Variants in ASMT observed in about 807,000 individuals in gnomAD.
ASMT encodes acetylserotonin N-methyltransferase.
ASMT carries 53 observed loss-of-function variants against 41.3 expected under a neutral mutation model. That is an observed-to-expected ratio of 1.28 (90% CI 1.03 to 1.61). The LOEUF (loss-of-function observed/expected upper bound fraction) is 1.61, where lower values mean the gene tolerates loss of function less well. Ranked by LOEUF, ASMT falls within the 40% of genes most tolerant of loss-of-function variation. ASMT has a pLI of 0.00. For synonymous variants in ASMT, 231 were observed against 184.8 expected (o/e 1.25, Z -2.03); for missense variants, 531 against 441.3 (o/e 1.20, Z -1.82).
intron 4 of ASMT, 93 bp downstream of exon 4, chrX:1,627,864 C>A (rs1375155779): frequency 1.5e-5 from 18 of 1,190,056 alleles, no homozygotes; most frequent in Non-Finnish European, 2.3e-5. Flanking sequence ...TCAAATGGCA[C>A]AACCCAGGAG....
Position 1,615,378 on chromosome X carries a change from T to G in ASMT, c.69+110T>G, listed in dbSNP as rs755751416. 3.1e-4 allele frequency: 341 copies of G among 1,115,996 alleles called. 5 individuals are homozygous for G. The South Asian group carries it at 3.6e-3, about 12-fold the overall frequency. The allele number at this position is 1,115,996 out of a possible 1,614,324, so 69.1% of individuals were successfully genotyped here. A position where few individuals can be genotyped will look rare whatever the true frequency, so the allele number is the denominator to read the frequency against. ...ATGAGTCTCCATCATTTTAGGAGGT[T>G]TATTTTCCACCGTGAAAGACGTACA... On this transcript the variant is annotated intron_variant, in intron 1 of 8. Coordinates refer to ENST00000381241, the MANE Select transcript of ASMT (RefSeq NM_001171038.2).
intron 5 of ASMT, among the ~76,000 whole-genome samples, chrX:1,630,934 G>A (rs1286101585): frequency 1.5e-5 from 2 of 137,886 alleles, no homozygotes; most frequent in African/African-American, 5.5e-5. Context: ...TTTTTGAGAT[G>A]GAGTCTTGCT....
intron 8 of ASMT, among the ~76,000 whole-genome samples, chrX:1,639,354 A>ATC (rs1935071410): frequency 9.2e-4 from 1 of 1,092 alleles, no homozygotes; most frequent in Non-Finnish European, 1.5e-3. Context: ...TCCTGATGGC[A>ATC]CATGAGGATG....
At chrX:1,633,337 C>G (rs1934847766) in intron 7 of ASMT, 47 bp downstream of exon 7, 2 of 1,611,716 alleles carry the variant, frequency 1.2e-6, no homozygotes, top group Admixed American at 1.7e-5. Flanking sequence ...CACGGCTTCT[C>G]CAGGGGGACT....
At chrX:1,630,700 A>G (rs1934740971) in intron 5 of ASMT, among the ~76,000 whole-genome samples, 1 of 151,420 alleles carries the variant, frequency 6.6e-6, no homozygotes, top group South Asian at 2.1e-4. Context: ...GGGATTACAG[A>G]TGACTGCCGC....
At position 1,642,744 on chromosome X, in the gene ASMT, T is replaced by C. The variant is rs1270252546; in HGVS notation, c.911-59T>C. The C allele has an allele frequency of 3.9e-6, 6 of 1,534,258 alleles. No homozygotes were observed. In the African/African-American group the frequency reaches 6.8e-5, roughly 17 times the overall value. Reference sequence around the variant, plus strand: ...GGCTGTCCTTATGGTTCACTGGGACTTTGGCACAGTCTGTCTGTGTGTTTG... The same window carrying C: ...GGCTGTCCTTATGGTTCACTGGGACCTTGGCACAGTCTGTCTGTGTGTTTG... On this transcript the variant is annotated intron_variant, in intron 8 of 8. Transcript: ENST00000381241.
intron 7 of ASMT, among the ~76,000 whole-genome samples, chrX:1,633,906 G>A (rs1240973598): frequency 5.9e-5 from 9 of 151,920 alleles, no homozygotes; most frequent in African/African-American, 2.2e-4. Flanking sequence ...CCAAAGTGCT[G>A]GGATTACAGG....
intron 3 of ASMT, among the ~76,000 whole-genome samples, chrX:1,626,826 G>C (rs1458982081): frequency 8.2e-6 from 1 of 122,400 alleles, no homozygotes; most frequent in Non-Finnish European, 1.7e-5. Context: ...TCACGAGTTC[G>C]AGACCAGCCT....
intron 1 of ASMT, among the ~76,000 whole-genome samples, chrX:1,616,789 A>G (rs1319068251): frequency 2.0e-5 from 3 of 151,136 alleles, no homozygotes; most frequent in East Asian, 3.9e-4. Flanking sequence ...GCTCACTGCA[A>G]GCTCCACCTC....
intron 7 of ASMT, 91 bp downstream of exon 7, chrX:1,633,381 G>A: frequency 6.5e-7 from 1 of 1,544,830 alleles, no homozygotes; most frequent in Admixed American, 1.7e-5. Flanking sequence ...GATGTGATGT[G>A]GTTTTCCTCT....
At chrX:1,627,850 T>G in intron 4 of ASMT, 79 bp downstream of exon 4, 1 of 1,364,674 alleles carries the variant, frequency 7.3e-7, no homozygotes. Flanking sequence ...CCCAATCCAT[T>G]TACTCAAATG....
At chrX:1,628,047 G>A (rs1185260312) in intron 4 of ASMT, 341 of 532,956 alleles carry the variant, frequency 6.4e-4, no homozygotes, top group Non-Finnish European at 1.8e-4. Context: ...CGCGCCGGGC[G>A]CGGTGGCTCA....
intron 1 of ASMT, among the ~76,000 whole-genome samples, chrX:1,616,922 A>C (rs752284041): frequency 1.3e-4 from 19 of 151,702 alleles, no homozygotes; most frequent in South Asian, 8.4e-4. Flanking sequence ...GTTAGCCAGG[A>C]TGGTCTCGAT....
chrX:1,630,195 A>G (rs73174042), intron 5 of ASMT, among the ~76,000 whole-genome samples: 79,710 of 151,100 alleles, frequency 0.53, 20,619 homozygotes, highest in Non-Finnish European at 0.58. Context: ...GTGCAGTGGC[A>G]TGATCTCGGC....
chrX:1,625,488 C>T (rs1934498319), intron 3 of ASMT, among the ~76,000 whole-genome samples: 1 of 125,670 alleles, frequency 8.0e-6, no homozygotes, highest in Non-Finnish European at 1.6e-5. Context: ...AGCAAAAACT[C>T]TGTCTCAGAA....
chrX:1,629,698 T>A, intron 4 of ASMT, 123 bp from the exon 5 acceptor site: 1 of 912,712 alleles, frequency 1.1e-6, no homozygotes. Context: ...ATTTCACAAA[T>A]GCAAGCCTTC....
chrX:1,620,367 T>C (rs181520913), intron 1 of ASMT, among the ~76,000 whole-genome samples: 7 of 151,316 alleles, frequency 4.6e-5, no homozygotes, highest in Non-Finnish European at 7.4e-5. Flanking sequence ...GGGGTTTCAC[T>C]ATGTTGGCCA....
In ASMT at chrX:1,636,027, C is replaced by T. The variant is rs774874163; in HGVS notation, c.788-411C>T. On this transcript the variant is annotated intron_variant, in intron 7 of 8. Coordinates refer to ENST00000381241, the MANE Select transcript of ASMT (RefSeq NM_001171038.2). The stretch of plus-strand genomic sequence containing the variant: ...CTGGAGTGCAATGGTGCAATCTCGG[C>T]TCACTGCAAGCTCCGCCTCCCGGGT... Among the ~76,000 whole-genome samples, 83 of 149,644 alleles carry T rather than the reference C, an allele frequency of 5.5e-4. 2 individuals are homozygous for T. In the South Asian group the frequency reaches 0.011, roughly 19 times the overall value.
chrX:1,633,016 G>GA (rs56368882), intron 6 of ASMT, 134 bp from the exon 7 acceptor site: 2 of 996,284 alleles, frequency 2.0e-6, no homozygotes, highest in Non-Finnish European at 3.2e-6. Context: ...ATAATAAAAA[G>GA]AAAAAAAAGA....
Sources: allele counts gnomAD v4.1 joint callset (sites outside exome capture counted in the v4.1 genomes callset), GRCh38; gene constraint gnomAD v4.1.1; transcripts MANE v1.5; gene names NCBI Gene and HGNC (gene_info 2026-07-23, HGNC 2026-07-21).